ZYG11A: variants seen among roughly 807,000 people sequenced by gnomAD.
The protein encoded by ZYG11A is protein zyg-11 homolog A.
ZYG11A carries 62 observed loss-of-function variants against 77.2 expected under a neutral mutation model. That is an observed-to-expected ratio of 0.80 (90% confidence interval 0.65 to 0.99). The LOEUF (loss-of-function observed/expected upper bound fraction) is 0.99, where lower values mean the gene tolerates loss of function less well. ZYG11A is among the 50% of genes least tolerant of loss of function. ZYG11A has a pLI of 0.00. For synonymous variants in ZYG11A, 315 were observed against 324.6 expected (o/e 0.97, Z 0.32); for missense variants, 828 against 896.8 (o/e 0.92, Z 0.98).
chr1:52,881,586 G>T lies in ZYG11A; in HGVS notation c.1865G>T (p.Gly622Val). 1.3e-6 allele frequency: 2 copies of T among 1,552,258 alleles called. No individual in the cohort carries two copies. The highest frequency in any genetic ancestry group is 2.4e-5 in the South Asian group (2 of 84,054). Residue 622 changes from glycine (G) to valine (V), a missense_variant, in exon 11 of 14, where the codon GGT becomes GTT. Transcript: ENST00000371528. The stretch of plus-strand genomic sequence containing the variant: ...ATGGAAGTCAGCTATTTTGCTGCAG[G>T]TATCATAGCCCACCTGACATCTGAC... Reference protein sequence around the residue: ...REMEVSYFAAGIIAHLTSDRQ... With the variant: ...REMEVSYFAAVIIAHLTSDRQ...
chr1:52,869,314 G>A (rs2150007333), intron 8 of ZYG11A, among the ~76,000 whole-genome samples: 1 of 148,452 alleles, frequency 6.7e-6, no homozygotes, highest in African/African-American at 2.5e-5. Flanking sequence ...CAGGGTCATA[G>A]GACAATAGTG....
intron 1 of ZYG11A, among the ~76,000 whole-genome samples, chr1:52,845,815 T>G (rs1175201756): frequency 6.6e-6 from 1 of 151,950 alleles, no homozygotes; most frequent in South Asian, 2.1e-4. Context: ...GTAGCTAGAC[T>G]ATAGGTGTGC....
Position 52,843,458 on chromosome 1 carries a change from T to C in ZYG11A, c.90+485T>C, listed in dbSNP as rs1345669358. Reference sequence around the variant, plus strand: ...GCGGAGGCGGTGACCCTTTGGCCGTTACCACCTGAGGCCTTTGGGCCCGGG... The same window carrying C: ...GCGGAGGCGGTGACCCTTTGGCCGTCACCACCTGAGGCCTTTGGGCCCGGG... On this transcript the variant is annotated intron_variant, in intron 1 of 13. Coordinates refer to ENST00000371528, the MANE Select transcript of ZYG11A (RefSeq NM_001004339.3). Among the ~76,000 whole-genome samples the C allele has an allele frequency of 3.9e-5, 6 of 152,310 alleles. No individual in the cohort carries two copies. The East Asian group carries it at 9.7e-4, about 25-fold the overall frequency.
intron 1 of ZYG11A, among the ~76,000 whole-genome samples, chr1:52,850,319 ATTT>A (rs1333938329): frequency 1.5e-5 from 2 of 134,086 alleles, no homozygotes; most frequent in Non-Finnish European, 1.6e-5. Flanking sequence ...ACGCCCAGCT[ATTT>A]TTTTTTTTTT....
chr1:52,877,118 T>G (rs1033519320), intron 8 of ZYG11A, among the ~76,000 whole-genome samples: 1 of 151,978 alleles, frequency 6.6e-6, no homozygotes, highest in Non-Finnish European at 1.5e-5. Flanking sequence ...ATGTGCTTCC[T>G]CCCCCTCTCC....
Position 52,877,695 on chromosome 1 carries a change from T to A in ZYG11A, c.1556T>A (p.Ile519Lys). 1 of 1,548,932 alleles carries A rather than the reference T, an allele frequency of 6.5e-7. No individual in the cohort carries two copies. The highest frequency in any genetic ancestry group is 8.7e-7 in the Non-Finnish European group (1 of 1,146,246). The change falls in exon 9 of 14, where the codon ATA becomes AAA. Residue 519 changes from isoleucine (I) to lysine (K), a missense_variant. Physicochemically the swap from Ile to Lys is moderately radical, Grantham distance 102. Transcript: ENST00000371528. ...TTTGGTTTTTAGGAACTTCTAGCAA[T>A]AGTAAAACAAAAGACTACTGAGAAT... is the stretch of plus-strand genomic sequence containing the variant. ...LFMAVKELLAIVKQKTTENLD... is the reference protein window; with the variant it reads ...LFMAVKELLAKVKQKTTENLD...
At chr1:52,866,891 T>G (rs1023465992) in intron 6 of ZYG11A, among the ~76,000 whole-genome samples, 7 of 152,356 alleles carry the variant, frequency 4.6e-5, no homozygotes, top group Middle Eastern at 3.4e-3. Flanking sequence ...TGTAAAGTAC[T>G]TAATTCCTAG....
At chr1:52,843,558 C>CCCCCGT (rs1300779248) in intron 1 of ZYG11A, among the ~76,000 whole-genome samples, 2 of 146,634 alleles carry the variant, frequency 1.4e-5, no homozygotes, top group South Asian at 2.1e-4. Context: ...CGCGCGTCCG[C>CCCCCGT]CCCCGTCCCC....
Position 52,892,784 on chromosome 1 carries a change from A to C in ZYG11A, c.2107A>C (p.Ser703Arg), listed in dbSNP as rs1646568232. The C allele has an allele frequency of 6.4e-7, 1 of 1,551,418 alleles. No individual in the cohort carries two copies. Among genetic ancestry groups the C allele is most frequent in the African/African-American group, 1.4e-5 (1 of 73,028 alleles). ...AMYHVCSKNPSKYCKMLVEEE... is the reference protein window; with the variant it reads ...AMYHVCSKNPRKYCKMLVEEE... ...GTCTCTGCTTGATTTTCTTTCAGCC[A>C]GCAAATACTGCAAAATGTTAGTTGA... The change falls in exon 14 of 14, where the codon AGC (serine) becomes CGC (arginine). Residue 703 changes from serine (S) to arginine (R), a missense_variant and splice_region_variant. Transcript: ENST00000371528.
At chr1:52,882,714 T>C (rs529136237) in intron 11 of ZYG11A, among the ~76,000 whole-genome samples, 2 of 152,372 alleles carry the variant, frequency 1.3e-5, no homozygotes, top group Non-Finnish European at 2.9e-5. Flanking sequence ...TTCATTGTCT[T>C]TTACTTGTCA....
At chr1:52,879,879 C>T (rs1468443909) in intron 10 of ZYG11A, among the ~76,000 whole-genome samples, 2 of 151,782 alleles carry the variant, frequency 1.3e-5, no homozygotes, top group Admixed American at 1.3e-4. Flanking sequence ...TCTCCCACTT[C>T]AGTCTCCCGA....
rs983929975 is a variant in ZYG11A at position 52,842,806 on chromosome 1, C to G, written c.-78C>G. 8 of 1,389,206 alleles carry G rather than the reference C, an allele frequency of 5.8e-6. No individual in the cohort carries two copies. The highest frequency in any genetic ancestry group is 2.1e-4 in the Middle Eastern group (1 of 4,798). The allele number at this position is 1,389,206 out of a possible 1,614,324, so 86.1% of individuals were successfully genotyped here. A position where few individuals can be genotyped will look rare whatever the true frequency, so the allele number is the denominator to read the frequency against. On this transcript the variant is annotated 5_prime_UTR_variant, in exon 1 of 14. Coordinates refer to ENST00000371528, the MANE Select transcript of ZYG11A (RefSeq NM_001004339.3). Reference sequence around the variant, plus strand: ...GGCGTGGTGGGCGCGTCCTGGCAGCCGCCCGCTTGGTTCTCGCGGGATCCG... The same window carrying G: ...GGCGTGGTGGGCGCGTCCTGGCAGCGGCCCGCTTGGTTCTCGCGGGATCCG...
At chr1:52,864,935 G>GC (rs934109684) in intron 5 of ZYG11A, among the ~76,000 whole-genome samples, 1 of 151,822 alleles carries the variant, frequency 6.6e-6, no homozygotes, top group African/African-American at 2.4e-5. Flanking sequence ...ACAGACGTGA[G>GC]CCCCCGCGCC....
At chr1:52,861,484 C>T (rs184114579) in intron 4 of ZYG11A, among the ~76,000 whole-genome samples, 5 of 152,160 alleles carry the variant, frequency 3.3e-5, no homozygotes, top group African/African-American at 1.2e-4. Context: ...GGGTGGATCA[C>T]GAGGTCAAGA....
chr1:52,892,075 A>AT (rs1367343933), intron 13 of ZYG11A, among the ~76,000 whole-genome samples: 1 of 149,468 alleles, frequency 6.7e-6, no homozygotes, highest in Non-Finnish European at 1.5e-5. Flanking sequence ...ATTTTTTTGT[A>AT]TTTTTAGTAG....
chr1:52,888,903 A>T (rs1324586206), intron 13 of ZYG11A, among the ~76,000 whole-genome samples: 6 of 152,228 alleles, frequency 3.9e-5, no homozygotes, highest in Non-Finnish European at 2.9e-5. Flanking sequence ...AAATGGTGCC[A>T]TGAGTGGTTC....
intron 8 of ZYG11A, among the ~76,000 whole-genome samples, chr1:52,871,801 G>A (rs889770010): frequency 6.6e-6 from 1 of 152,114 alleles, no homozygotes; most frequent in East Asian, 1.9e-4. Context: ...TGGCTTGCCT[G>A]TTTCTGAGGA....
At position 52,877,763 on chromosome 1, in the gene ZYG11A, A is replaced by G; in HGVS notation, c.1624A>G (p.Asn542Asp). 1 of 1,552,020 alleles carries G rather than the reference A, an allele frequency of 6.4e-7. No individual in the cohort carries two copies. The highest frequency in any genetic ancestry group is 1.7e-4 in the Middle Eastern group (1 of 5,996). ...CTTGTTTACTTTGAAAGCACTTTGG[A>G]ATCTTACAGATGGGTCTCCAGCTGC... ...TFLFTLKALW[N>D]LTDGSPAACK... Residue 542 changes from asparagine to aspartate, a missense_variant, in exon 9 of 14, where the codon AAT (asparagine) becomes GAT (aspartate). Physicochemically the swap from Asn to Asp is conservative, Grantham distance 23. Transcript: ENST00000371528.
chr1:52,870,405 C>T lies in ZYG11A; in HGVS notation c.1542+2628C>T, dbSNP rs1331982465. 2.0e-5 allele frequency among the ~76,000 whole-genome samples: 3 copies of T among 151,628 alleles called. No homozygotes were observed. The East Asian group carries it at 5.9e-4, about 30-fold the overall frequency. On this transcript the variant is annotated intron_variant, in intron 8 of 13. Coordinates refer to ENST00000371528, the MANE Select transcript of ZYG11A (RefSeq NM_001004339.3). ...GGCAGCCAGGCAGAGGGGCTCCTCA[C>T]ATCCCAGACGATGGGCGGCCAGGCA... is the stretch of plus-strand genomic sequence containing the variant.
Sources: allele counts gnomAD v4.1 joint callset (sites outside exome capture counted in the v4.1 genomes callset), GRCh38; gene constraint gnomAD v4.1.1; transcripts MANE v1.5; gene names NCBI Gene and HGNC (gene_info 2026-07-23, HGNC 2026-07-21).